Variants in FAM184A observed in about 807,000 individuals in gnomAD.
FAM184A encodes protein FAM184A.
In FAM184A, 99 loss-of-function variants were observed where a neutral mutation model predicts 143.8. The observed-to-expected ratio is 0.69, with a 90% confidence interval of 0.58 to 0.81. FAM184A has a LOEUF of 0.81. Ranked by LOEUF, FAM184A falls within the 40% of genes least tolerant of loss-of-function variation. The probability of loss-of-function intolerance (pLI) is 0.00; values close to 1 mark genes in which losing one functional copy is unlikely to be tolerated. For missense variants in FAM184A, 1,217 were observed against 1,310.5 expected (o/e 0.93, Z 1.10); for synonymous variants, 427 against 446.4 (o/e 0.96, Z 0.55).
At chr6:119,031,057 T>G (rs990047867) in intron 1 of FAM184A, among the ~76,000 whole-genome samples, 1 of 152,192 alleles carries the variant, frequency 6.6e-6, no homozygotes, top group African/African-American at 2.4e-5. Context: ...GAATAAGCAA[T>G]AGTAATTTTT....
intron 1 of FAM184A, among the ~76,000 whole-genome samples, chr6:119,035,373 A>G (rs1786069727): frequency 6.6e-6 from 1 of 152,230 alleles, no homozygotes; most frequent in South Asian, 2.1e-4. Context: ...CAATGATTTT[A>G]AGACTGATGA....
At chr6:119,036,758 T>C (rs763817532) in intron 1 of FAM184A, among the ~76,000 whole-genome samples, 9 of 152,340 alleles carry the variant, frequency 5.9e-5, no homozygotes, top group Middle Eastern at 3.4e-3. Flanking sequence ...TTTCTCAAAA[T>C]AGACCTGCTC....
intron 1 of FAM184A, among the ~76,000 whole-genome samples, chr6:119,126,844 C>A (rs1789380332): frequency 6.6e-6 from 1 of 152,166 alleles, no homozygotes; most frequent in Non-Finnish European, 1.5e-5. Context: ...TGGCTCTCAG[C>A]AGGAAGGGGA....
At chr6:119,102,800 A>G (rs1375903415) in intron 1 of FAM184A, among the ~76,000 whole-genome samples, 1 of 150,176 alleles carries the variant, frequency 6.7e-6, no homozygotes, top group Admixed American at 6.6e-5. Flanking sequence ...AAAAAAAAAA[A>G]AAAAAAAGAA....
intron 1 of FAM184A, among the ~76,000 whole-genome samples, chr6:119,074,187 A>C (rs573171259): frequency 7.2e-5 from 11 of 152,298 alleles, no homozygotes; most frequent in Middle Eastern, 3.4e-3. Flanking sequence ...AATCAAGTAA[A>C]AGTTTGCTGC....
intron 9 of FAM184A, among the ~76,000 whole-genome samples, chr6:118,985,571 T>TA (rs1334330794): frequency 6.6e-6 from 1 of 152,048 alleles, no homozygotes; most frequent in Admixed American, 6.5e-5. Context: ...AATAACCACA[T>TA]AGACTTCCTA....
intron 9 of FAM184A, among the ~76,000 whole-genome samples, 154 bp from the exon 10 acceptor site, chr6:118,980,504 A>G (rs1413499391): frequency 6.6e-6 from 1 of 152,218 alleles, no homozygotes; most frequent in Non-Finnish European, 1.5e-5. Flanking sequence ...TATCATAAAA[A>G]TAACCATTTA....
chr6:118,997,793 C>A (rs1419274648), intron 9 of FAM184A, among the ~76,000 whole-genome samples: 2 of 152,082 alleles, frequency 1.3e-5, no homozygotes, highest in Admixed American at 6.5e-5. Context: ...TGCATCAGTG[C>A]TCTTTAACTG....
chr6:119,028,683 C>A (rs956582555), intron 1 of FAM184A, among the ~76,000 whole-genome samples: 7 of 152,266 alleles, frequency 4.6e-5, no homozygotes, highest in Non-Finnish European at 5.9e-5. Flanking sequence ...TTCTTCTGTA[C>A]CCTATAAATG....
At chr6:119,106,794 G>A (rs1180038559) in intron 1 of FAM184A, among the ~76,000 whole-genome samples, 1 of 152,140 alleles carries the variant, frequency 6.6e-6, no homozygotes, top group South Asian at 2.1e-4. Context: ...CATGAAAACT[G>A]TTTGGGAGGT....
At chr6:119,110,541 A>G (rs140173368) in intron 1 of FAM184A, among the ~76,000 whole-genome samples, 41 of 152,208 alleles carry the variant, frequency 2.7e-4, no homozygotes, top group African/African-American at 9.6e-4. Flanking sequence ...CAAAAAAGTG[A>G]AAAGGATATT....
At position 119,078,059 on chromosome 6, in the gene FAM184A, G is replaced by C; in HGVS notation, c.159+82C>G. 6.8e-7 allele frequency: 1 copy of C among 1,472,760 alleles called. No individual in the cohort carries two copies. Among genetic ancestry groups the C allele is most frequent in the Non-Finnish European group, 9.1e-7 (1 of 1,102,942 alleles). The allele number at this position is 1,472,760 out of a possible 1,614,324, so 91.2% of individuals were successfully genotyped here. On this transcript the variant is annotated intron_variant, in intron 1 of 17. Transcript: ENST00000338891. The surrounding 1 kb of genome is among the most constrained non-coding windows in gnomAD (Gnocchi z 5.5). Reference sequence around the variant, plus strand: ...AGAGTTCCCCTCGCTGCGGGCGCAGGGCGCACTGCCTCCCGGGGAGACAGG... The same window carrying C: ...AGAGTTCCCCTCGCTGCGGGCGCAGCGCGCACTGCCTCCCGGGGAGACAGG...
chr6:119,036,376 T>C (rs1262495592), intron 1 of FAM184A, among the ~76,000 whole-genome samples: 3 of 152,178 alleles, frequency 2.0e-5, no homozygotes, highest in Admixed American at 6.5e-5. Context: ...CCAAGGGCAC[T>C]ATAAAACTCT....
chr6:119,033,463 A>G (rs1785967237), intron 1 of FAM184A, among the ~76,000 whole-genome samples: 1 of 151,750 alleles, frequency 6.6e-6, no homozygotes, highest in African/African-American at 2.4e-5. Flanking sequence ...CAGGAGTTCA[A>G]GACCAGCCTG....
At chr6:119,071,028 G>A (rs1398141573) in intron 1 of FAM184A, among the ~76,000 whole-genome samples, 4 of 151,878 alleles carry the variant, frequency 2.6e-5, no homozygotes, top group Non-Finnish European at 5.9e-5. Flanking sequence ...TATAGACCCA[G>A]GTTATTCTTC....
chr6:119,038,286 T>C (rs1404516014), intron 1 of FAM184A, among the ~76,000 whole-genome samples: 5 of 152,116 alleles, frequency 3.3e-5, no homozygotes, highest in East Asian at 3.8e-4. Context: ...TCAGAGGCAA[T>C]TGAACCTGAG....
intron 1 of FAM184A, among the ~76,000 whole-genome samples, chr6:119,106,475 A>G (rs1219384547): frequency 6.6e-6 from 1 of 152,266 alleles, no homozygotes; most frequent in Non-Finnish European, 1.5e-5. Context: ...GCTATTACTC[A>G]GAGTGGGACC....
chr6:119,022,811 A>C, intron 3 of FAM184A, 134 bp downstream of exon 3: 1 of 959,948 alleles, frequency 1.0e-6, no homozygotes, highest in Non-Finnish European at 1.5e-6. Context: ...CAGGAGGCAG[A>C]GGTTGCAATG....
At chr6:119,080,246 G>A (rs1788022077), upstream of FAM184A, among the ~76,000 whole-genome samples, 1 of 152,208 alleles carries the variant, frequency 6.6e-6, no homozygotes, top group Non-Finnish European at 1.5e-5. Context: ...TGAATGTGTA[G>A]CATTAGTTGA....
Sources: gnomAD v4.1 joint callset for allele counts (sites outside exome capture counted in the v4.1 genomes callset) on GRCh38, gnomAD v4.1.1 for gene constraint, Gnocchi (gnomAD v3.1) non-coding constraint, MANE v1.5 for transcripts, NCBI Gene and HGNC (gene_info 2026-07-23, HGNC 2026-07-21) for gene names.